The following ADCY4 variants were observed in gnomAD, a reference collection of about 807,000 sequenced individuals.
ADCY4 encodes adenylate cyclase type 4.
ADCY4 carries 111 observed loss-of-function variants against 125.5 expected under a neutral mutation model. The ratio of observed to expected loss-of-function variants is 0.88; its 90% CI spans 0.76 to 1.04. The LOEUF (loss-of-function observed/expected upper bound fraction) is 1.04. Ranked by LOEUF, ADCY4 falls within the 50% of genes least tolerant of loss-of-function variation. The pLI, the probability that ADCY4 is intolerant of heterozygous loss-of-function variation, is 0.00. For missense variants in ADCY4, 1,256 were observed against 1,382.9 expected (o/e 0.91, Z 1.46); for synonymous variants, 576 against 586.9 (o/e 0.98, Z 0.27).
chr14:24,319,130 T>C lies in ADCY4; in HGVS notation c.2924A>G (p.Lys975Arg), dbSNP rs567172204. The C allele has an allele frequency of 2.5e-6, 4 of 1,614,062 alleles. No individual in the cohort carries two copies. The South Asian group carries it at 4.4e-5, about 18-fold the overall frequency. ...ALGSKLDVIN[K>R]HSFNNFRLRV... ...CAGGCGGAAGTTGTTGAATGAATGCTTGTTGATGACGTCCAGCTTAGACCC... is the reference window on the plus strand; with the variant it reads ...CAGGCGGAAGTTGTTGAATGAATGCCTGTTGATGACGTCCAGCTTAGACCC... Residue 975 changes from lysine (K) to arginine (R), a missense_variant, in exon 23 of 25, where the codon AAG becomes AGG. Coordinates refer to ENST00000418030, the MANE Select transcript of ADCY4 (RefSeq NM_001198568.2). This position sits in a 1 kb window ranked among gnomAD's most constrained non-coding sequence, Gnocchi z 4.5.
rs1336593247 is a variant in ADCY4, at chr14:24,331,773, C to T, written c.669+15G>A. 13 of 1,565,670 alleles carry T rather than the reference C, an allele frequency of 8.3e-6. No individual in the cohort carries two copies. The highest frequency in any genetic ancestry group is 1.4e-5 in the African/African-American group (1 of 73,416). On this transcript the variant is annotated intron_variant, in intron 4 of 24. Transcript: ENST00000418030. ...CCCTCGGAGCGCTGCTCTGACCTTC[C>T]TAGGCCCGGCTGACCTGGTGCTTCT...
chr14:24,332,376 T>C, intron 3 of ADCY4, 146 bp downstream of exon 3: 2 of 906,328 alleles, frequency 2.2e-6, no homozygotes, highest in African/African-American at 3.3e-5. Flanking sequence ...CACACTGTTG[T>C]ACCAGCTCTG....
chr14:24,324,087 A>T lies in ADCY4; in HGVS notation c.2021T>A (p.Val674Asp). 6.2e-7 allele frequency: 1 copy of T among 1,614,242 alleles called. No homozygotes were observed. The highest frequency in any genetic ancestry group is 8.5e-7 in the Non-Finnish European group (1 of 1,180,044). The stretch of plus-strand genomic sequence containing the variant: ...CAGGCTGGTAATGGCCATGGCAAAG[A>T]CAAGGAGGATGGTGGCGGTGCCCAA... ...IALGTATILL[V>D]FAMAITSLFF... is the part of the protein sequence containing the mutation. The change falls in exon 16 of 25, where the codon GTC becomes GAC. Residue 674 changes from valine to aspartate, a missense_variant. Val to Asp is a radical substitution (Grantham distance 152). Coordinates refer to ENST00000418030, the MANE Select transcript of ADCY4 (RefSeq NM_001198568.2).
intron 20 of ADCY4, among the ~76,000 whole-genome samples, chr14:24,320,184 C>T (rs1386394753): frequency 5.9e-5 from 9 of 152,178 alleles, no homozygotes. Flanking sequence ...ATTTCTATAT[C>T]CTATCTTATT....
rs1481978817 is a variant in ADCY4 at position 24,322,054 on chromosome 14, G to T, written c.2586+12C>A. On this transcript the variant is annotated intron_variant, in intron 20 of 24. Transcript: ENST00000418030. ...GCATCCGTGGCTCAGGAGTCAGGGG[G>T]TCAGGAGTCACCTCGTTGCGCCGGT... The T allele has an allele frequency of 1.2e-6, 2 of 1,607,702 alleles. No homozygotes were observed. The highest frequency in any genetic ancestry group is 4.5e-5 in the East Asian group (2 of 44,744).
In ADCY4 at chr14:24,331,273, C is replaced by T; in HGVS notation, c.753G>A (p.Gln251=). 6.2e-7 allele frequency: 1 copy of T among 1,614,190 alleles called. No individual in the cohort carries two copies. The highest frequency in any genetic ancestry group is 1.1e-5 in the South Asian group (1 of 91,090). The change falls in exon 5 of 25, where the codon CAG becomes CAA. Residue 251 remains glutamine, a synonymous_variant. Coordinates refer to ENST00000418030, the MANE Select transcript of ADCY4 (RefSeq NM_001198568.2). ...AEIMARLQAG[Q]GSRPESTNNF... ...TGTTAGTGCTCTCTGGCCGTGACCC[C>T]TGTCCTGCCTGCAGCCGTGCCATGA...
At chr14:24,329,669 A>G in intron 8 of ADCY4, 136 bp from the exon 9 acceptor site, 1 of 1,420,192 alleles carries the variant, frequency 7.0e-7, no homozygotes, top group Non-Finnish European at 9.3e-7. Flanking sequence ...GTCTGACTTC[A>G]AGAAAGAGCC....
At position 24,326,374 on chromosome 14, in the gene ADCY4, G is replaced by C. The variant is rs1566436367; in HGVS notation, c.1525-32C>G. On this transcript the variant is annotated intron_variant, in intron 10 of 24. Coordinates refer to ENST00000418030, the MANE Select transcript of ADCY4 (RefSeq NM_001198568.2). Reference sequence around the variant, plus strand: ...GGAGAGCACAGGGGGAGGTGGGCATGGTGGGTGTTTTCCCTGCAGTGAGGT... The same window carrying C: ...GGAGAGCACAGGGGGAGGTGGGCATCGTGGGTGTTTTCCCTGCAGTGAGGT... 6 of 1,595,966 alleles carry C rather than the reference G, an allele frequency of 3.8e-6. No individual in the cohort carries two copies. The South Asian group carries it at 6.7e-5, about 18-fold the overall frequency.
At chr14:24,331,757 C>G in intron 4 of ADCY4, 31 bp downstream of exon 4, 2 of 1,533,512 alleles carry the variant, frequency 1.3e-6, no homozygotes, top group Non-Finnish European at 1.8e-6. Flanking sequence ...TCCCTCGGAG[C>G]GCTGCTCTGA....
chr14:24,326,316 G>A lies in ADCY4; in HGVS notation c.1551C>T (p.Thr517=), dbSNP rs1270281582. The A allele has an allele frequency of 1.2e-6, 2 of 1,614,094 alleles. No homozygotes were observed. The change falls in exon 11 of 25, where the codon ACC becomes ACT. Residue 517 remains threonine (T), a synonymous_variant. Transcript: ENST00000418030. ...CTCCTCACCGATCCAGGCTCCACTG[G>A]GTGCTGAAGGAAGCCAGGGTCTTCT... is the stretch of plus-strand genomic sequence containing the variant. ...LPEKTLASFS[T]QWSLDRSRTP...
At chr14:24,321,778 C>T (rs2041855834) in intron 20 of ADCY4, 4 of 1,121,802 alleles carry the variant, frequency 3.6e-6, no homozygotes, top group Non-Finnish European at 4.4e-6. Flanking sequence ...GGCCTGGGGG[C>T]TGGGGACCCC....
rs2041809233 is a variant in ADCY4, at chr14:24,318,839, G to A, written c.2957-61C>T. The A allele has an allele frequency of 1.8e-5, 29 of 1,606,404 alleles. No individual in the cohort carries two copies. In the South Asian group the frequency reaches 2.8e-4, roughly 15 times the overall value. On this transcript the variant is annotated intron_variant, in intron 23 of 24. Coordinates refer to ENST00000418030, the MANE Select transcript of ADCY4 (RefSeq NM_001198568.2). ...GGAAGAGGGGAAGAGGAAGCCACAA[G>A]GAACTGGAAGGAAGGGAGAAGAGCC... is the stretch of plus-strand genomic sequence containing the variant.
rs750506161 is a variant in ADCY4, at chr14:24,329,915, C to T, written c.1162G>A (p.Val388Ile). The change falls in exon 8 of 25, where the codon GTT becomes ATT. Residue 388 changes from valine to isoleucine, a missense_variant. By Grantham distance (29) the Val-to-Ile change is conservative (BLOSUM62 3). Coordinates refer to ENST00000418030, the MANE Select transcript of ADCY4 (RefSeq NM_001198568.2). ...VIGLQKWQYDVWSHDVTLANH... is the reference protein window; with the variant it reads ...VIGLQKWQYDIWSHDVTLANH... ...GCCAGTGTGACATCATGTGACCAAA[C>T]GTCGTACTGCCACTTCTGCAGCCCG... 1.5e-5 allele frequency: 25 copies of T among 1,614,032 alleles called. No homozygotes were observed. The highest frequency in any genetic ancestry group is 3.3e-4 in the Middle Eastern group (2 of 6,078).
rs146982084 is a variant in ADCY4, at chr14:24,326,985, C to T, written c.1525-643G>A. ...AATCTCAGCTCACTGCAACCTCCGC[C>T]TTCCAGGTTCAAGCAATTCTCTTGC... On this transcript the variant is annotated intron_variant, in intron 10 of 24. Coordinates refer to ENST00000418030, the MANE Select transcript of ADCY4 (RefSeq NM_001198568.2). Among the ~76,000 whole-genome samples, 857 of 149,096 alleles carry T rather than the reference C, an allele frequency of 5.7e-3. 11 individuals are homozygous for T. The highest frequency in any genetic ancestry group is 0.021 in the African/African-American group (825 of 40,004).
intron 6 of ADCY4, 148 bp downstream of exon 6, chr14:24,330,870 A>AGG: frequency 1.5e-5 from 10 of 670,776 alleles, no homozygotes; most frequent in Non-Finnish European, 2.3e-5. Context: ...AATGTTTGAG[A>AGG]GGGTTTCCTC....
chr14:24,331,997 G>A, intron 3 of ADCY4, 60 bp from the exon 4 acceptor site: 1 of 1,453,408 alleles, frequency 6.9e-7, no homozygotes, highest in Non-Finnish European at 9.2e-7. Flanking sequence ...TGTGTAGTTG[G>A]AGTTGGTCTC....
chr14:24,325,573 G>T, intron 13 of ADCY4, 99 bp from the exon 14 acceptor site: 1 of 1,107,312 alleles, frequency 9.0e-7, no homozygotes, highest in Non-Finnish European at 1.3e-6. Context: ...CAGCCTCACC[G>T]CCCAGGCTCC....
chr14:24,324,238 G>A (rs1214166770), intron 15 of ADCY4, 39 bp from the exon 16 acceptor site: 1 of 1,614,084 alleles, frequency 6.2e-7, no homozygotes, highest in Admixed American at 1.7e-5. Context: ...ACGGGGCTGG[G>A]GCACCCTCTT....
chr14:24,325,332 T>C, intron 14 of ADCY4, 45 bp downstream of exon 14: 1 of 1,549,454 alleles, frequency 6.5e-7, no homozygotes, highest in East Asian at 2.2e-5. Context: ...GGCAAGGTGA[T>C]CCGCTTATGA....
Sources: gnomAD v4.1 joint callset for allele counts (sites outside exome capture counted in the v4.1 genomes callset) on GRCh38, gnomAD v4.1.1 for gene constraint, Gnocchi (gnomAD v3.1) non-coding constraint, MANE v1.5 for transcripts, NCBI Gene and HGNC (gene_info 2026-07-23, HGNC 2026-07-21) for gene names.